CDH12: variants seen among roughly 807,000 people sequenced by gnomAD.
CDH12 encodes cadherin 12, also known as cadherin-12.
Under a neutral mutation model 74.1 loss-of-function variants are expected in CDH12, and 41 were observed. That is an observed-to-expected ratio of 0.55 (90% CI 0.43 to 0.72). The LOEUF (loss-of-function observed/expected upper bound fraction) is 0.72. Among genes scored for constraint, CDH12 ranks in the 30% least tolerant of loss-of-function variants. CDH12 has a pLI of 0.00. For synonymous variants in CDH12, 399 were observed against 355.0 expected, an observed-to-expected ratio of 1.12 and a Z score of -1.39; for missense variants, 945 against 977.2, an observed-to-expected ratio of 0.97 and a Z score of 0.44.
At chr5:22,772,663 A>G (rs1746870442) in intron 1 of CDH12, among the ~76,000 whole-genome samples, 1 of 152,150 alleles carries the variant, frequency 6.6e-6, no homozygotes, top group African/African-American at 2.4e-5. Context: ...TAACTAAGAA[A>G]TGTAAAAGTA....
At chr5:22,474,130 A>C (rs989054302) in intron 2 of CDH12, among the ~76,000 whole-genome samples, 2 of 152,122 alleles carry the variant, frequency 1.3e-5, no homozygotes, top group African/African-American at 4.8e-5. Flanking sequence ...ACTGCAGAGG[A>C]TTACTTATTT....
At chr5:21,821,028 T>C (rs567606544) in intron 8 of CDH12, among the ~76,000 whole-genome samples, 2 of 152,036 alleles carry the variant, frequency 1.3e-5, no homozygotes, top group East Asian at 3.9e-4. Context: ...AAGGAGGAAA[T>C]TGCATGCAGT....
chr5:22,559,664 ACTT>A (rs1738955933), intron 1 of CDH12, among the ~76,000 whole-genome samples: 1 of 152,136 alleles, frequency 6.6e-6, no homozygotes, highest in African/African-American at 2.4e-5. Context: ...TTCTCTGAGT[ACTT>A]CTTCAAATTT....
chr5:22,733,938 G>T (rs1253272831), intron 1 of CDH12, among the ~76,000 whole-genome samples: 3 of 151,898 alleles, frequency 2.0e-5, no homozygotes. Context: ...GACTGGGGAA[G>T]TGTTGGGACA....
chr5:22,586,989 C>A (rs1476340957), intron 1 of CDH12, among the ~76,000 whole-genome samples: 2 of 151,658 alleles, frequency 1.3e-5, no homozygotes, highest in African/African-American at 4.8e-5. Context: ...TGAGATTATA[C>A]CACGCCTGGC....
chr5:22,790,214 G>A (rs1407390783), intron 1 of CDH12, among the ~76,000 whole-genome samples: 1 of 152,032 alleles, frequency 6.6e-6, no homozygotes, highest in Non-Finnish European at 1.5e-5. Flanking sequence ...GCATCTAGAA[G>A]AGAATAGATT....
In CDH12 at chr5:22,753,829, G is replaced by T. The variant is rs143395980; in HGVS notation, c.-523+99229C>A. Among the ~76,000 whole-genome samples the T allele has an allele frequency of 6.1e-3, 930 of 151,932 alleles. 7 individuals carry two copies. Among genetic ancestry groups the T allele is most frequent in the Middle Eastern group, 0.027 (8 of 294 alleles). Reference sequence around the variant, plus strand: ...ATTGAGAAACATTACTGTTTCCTTAGTTCTTAAAAATTTTCCATAACAATT... The same window carrying T: ...ATTGAGAAACATTACTGTTTCCTTATTTCTTAAAAATTTTCCATAACAATT... On this transcript the variant is annotated intron_variant, in intron 1 of 14. Transcript: ENST00000382254.
At chr5:22,646,572 T>C (rs936365778) in intron 1 of CDH12, among the ~76,000 whole-genome samples, 1 of 151,924 alleles carries the variant, frequency 6.6e-6, no homozygotes, top group Non-Finnish European at 1.5e-5. Context: ...CTAAAATTTA[T>C]GGAAATAATT....
intron 2 of CDH12, among the ~76,000 whole-genome samples, chr5:22,497,810 T>C (rs889920087): frequency 4.4e-4 from 67 of 151,694 alleles, no homozygotes; most frequent in African/African-American, 1.6e-3. Flanking sequence ...ACCGGGATAA[T>C]TTTTGTATTT....
intron 5 of CDH12, among the ~76,000 whole-genome samples, chr5:22,072,215 A>T (rs931338643): frequency 1.3e-5 from 2 of 152,118 alleles, no homozygotes; most frequent in African/African-American, 4.8e-5. Flanking sequence ...ATGGGTCTTT[A>T]TACTTTTAAG....
intron 5 of CDH12, among the ~76,000 whole-genome samples, chr5:22,043,934 A>G (rs941930072): frequency 1.5e-4 from 23 of 152,182 alleles, no homozygotes; most frequent in African/African-American, 5.3e-4. Flanking sequence ...AAAGACATTC[A>G]AGAGGTTACA....
intron 4 of CDH12, among the ~76,000 whole-genome samples, chr5:22,170,162 C>T (rs1748936208): frequency 1.3e-5 from 2 of 151,812 alleles, no homozygotes; most frequent in African/African-American, 2.4e-5. Context: ...GAAACAATTA[C>T]TGGGGCTGTG....
chr5:22,188,224 G>A (rs1192453913), intron 4 of CDH12, among the ~76,000 whole-genome samples: 2 of 152,112 alleles, frequency 1.3e-5, no homozygotes, highest in Non-Finnish European at 2.9e-5. Flanking sequence ...CCTTGGGAAT[G>A]GATTTGTTCC....
At chr5:21,851,614 A>C (rs1441879421) in intron 7 of CDH12, among the ~76,000 whole-genome samples, 1 of 151,312 alleles carries the variant, frequency 6.6e-6, no homozygotes, top group African/African-American at 2.4e-5. Flanking sequence ...AAGCATATAA[A>C]TGAATGCATC....
intron 5 of CDH12, among the ~76,000 whole-genome samples, chr5:21,989,196 A>T (rs182422539): frequency 7.9e-5 from 12 of 152,360 alleles, no homozygotes; most frequent in Admixed American, 5.2e-4. Context: ...ATAAGAATAC[A>T]TATTCTTCAA....
chr5:22,316,122 C>T (rs978853807), intron 3 of CDH12, among the ~76,000 whole-genome samples: 7 of 151,786 alleles, frequency 4.6e-5, no homozygotes, highest in African/African-American at 1.7e-4. Flanking sequence ...GAATACCTAC[C>T]AGTGCATGAG....
At chr5:22,723,992 T>C (rs1002996358) in intron 1 of CDH12, among the ~76,000 whole-genome samples, 3 of 151,802 alleles carry the variant, frequency 2.0e-5, no homozygotes, top group African/African-American at 7.2e-5. Context: ...GTGATACCGT[T>C]TTCTCAGTTT....
chr5:22,532,991 C>T (rs1737661738), intron 1 of CDH12, among the ~76,000 whole-genome samples: 1 of 151,800 alleles, frequency 6.6e-6, no homozygotes. Flanking sequence ...AATTACTAGC[C>T]TATTTGAAAC....
chr5:22,604,754 C>T (rs1054522676), intron 1 of CDH12, among the ~76,000 whole-genome samples: 3 of 152,206 alleles, frequency 2.0e-5, no homozygotes, highest in African/African-American at 7.2e-5. Context: ...CACTGTTGTG[C>T]TCACCCACCT....
Sources: allele counts gnomAD v4.1 joint callset (sites outside exome capture counted in the v4.1 genomes callset), GRCh38; gene constraint gnomAD v4.1.1; transcripts MANE v1.5; gene names NCBI Gene and HGNC (gene_info 2026-07-23, HGNC 2026-07-21).